The following SPG7 variants were observed in gnomAD, a reference collection of about 807,000 sequenced individuals.
SPG7 encodes the protein mitochondrial inner membrane m-AAA protease component paraplegin.
A neutral mutation model predicts 81.9 loss-of-function variants in SPG7; 103 were observed. The ratio of observed to expected loss-of-function variants is 1.26; its 90% CI spans 1.07 to 1.48. The LOEUF (loss-of-function observed/expected upper bound fraction) is 1.48. Among genes scored for constraint, SPG7 ranks in the 40% most tolerant of loss-of-function variants. The probability of loss-of-function intolerance (pLI) is 0.00; values close to 1 mark genes in which losing one functional copy is unlikely to be tolerated. For missense variants in SPG7, 1,241 were observed against 1,087.3 expected, an observed-to-expected ratio of 1.14 and a Z score of -1.99; for synonymous variants, 534 against 444.2, an observed-to-expected ratio of 1.20 and a Z score of -2.54.
At chr16:89,552,327 C>T (rs998300162) in intron 13 of SPG7, 1 of 155,392 alleles carries the variant, frequency 6.4e-6, no homozygotes, top group African/African-American at 2.4e-5. Flanking sequence ...TCCCAAAGTA[C>T]CGAGATCACA....
At chr16:89,549,015 C>T (rs1421654708) in intron 12 of SPG7, 1 of 456,172 alleles carries the variant, frequency 2.2e-6, no homozygotes, top group South Asian at 1.5e-5. Context: ...GCAGTGGGTT[C>T]CTGCAGAGGA....
At chr16:89,549,393 C>T (rs1183052330) in intron 12 of SPG7, 3 of 371,936 alleles carry the variant, frequency 8.1e-6, no homozygotes, top group Non-Finnish European at 1.6e-5. Flanking sequence ...GGCACTGTGG[C>T]TCATGCCTGT....
At chr16:89,509,462 G>T (rs892535013) in intron 1 of SPG7, among the ~76,000 whole-genome samples, 1 of 152,134 alleles carries the variant, frequency 6.6e-6, no homozygotes, top group Admixed American at 6.6e-5. Flanking sequence ...TGTTGGCCAG[G>T]ATGGTCTCCA....
chr16:89,535,149 T>G (rs897072479), intron 9 of SPG7, among the ~76,000 whole-genome samples: 3 of 152,162 alleles, frequency 2.0e-5, no homozygotes, highest in Non-Finnish European at 2.9e-5. Flanking sequence ...GCAGGATTGG[T>G]GCAGCAGTGC....
At chr16:89,532,784 AT>A (rs1002226371) in intron 9 of SPG7, 148 bp downstream of exon 9, 10 of 966,430 alleles carry the variant, frequency 1.0e-5, no homozygotes, top group African/African-American at 9.8e-5. Context: ...AAAAAAAAAA[AT>A]AGAAATGTAG....
chr16:89,534,441 A>G (rs906260223), intron 9 of SPG7, among the ~76,000 whole-genome samples: 5 of 152,250 alleles, frequency 3.3e-5, no homozygotes, highest in African/African-American at 7.2e-5. Flanking sequence ...CTGTGTTAAC[A>G]TAAGTACAAG....
chr16:89,523,586 G>A (rs1250864707), intron 3 of SPG7: 2 of 411,342 alleles, frequency 4.9e-6, no homozygotes, highest in Non-Finnish European at 9.8e-6. Context: ...GCCTGGGACG[G>A]TCGTTTCTTT....
rs1016962064 is a variant in SPG7, at chr16:89,545,045, G to A, written c.1449+273G>A. On this transcript the variant is annotated intron_variant, in intron 10 of 16. Coordinates refer to ENST00000645818, the MANE Select transcript of SPG7 (RefSeq NM_003119.4). ...TCACTGCTCGGGGTTTTGCAGTTCT[G>A]TTCACCTGCTATTGGTTTTCCTTTT... The A allele has an allele frequency of 8.8e-4, 447 of 508,146 alleles. 4 individuals carry two copies. The highest frequency in any genetic ancestry group is 1.7e-4 in the Non-Finnish European group (46 of 276,576). 31.5% of individuals were successfully genotyped at this position (508,146 alleles called of 1,614,324 possible).
intron 5 of SPG7, chr16:89,527,369 G>A (rs1174911862): frequency 6.6e-6 from 1 of 152,262 alleles, no homozygotes; most frequent in Non-Finnish European, 1.5e-5. Flanking sequence ...CAAATGGTCA[G>A]AGTGAGTGTG....
rs1310649112 is a variant in SPG7, at chr16:89,508,573, C to T, written c.156C>T (p.Leu52=). 1 of 1,489,766 alleles carries T rather than the reference C, an allele frequency of 6.7e-7. No individual in the cohort carries two copies. The highest frequency in any genetic ancestry group is 2.7e-5 in the East Asian group (1 of 37,128). 92.3% of individuals were successfully genotyped at this position (1,489,766 alleles called of 1,614,324 possible). ...TGGCCAGCAGGCCTCCGGGGGACCT[C>T]GCCGAGGCTGGAGGCCGAGCTCTGC... The part of the protein sequence containing the change: ...PYMASRPPGD[L]AEAGGRALQS... Residue 52 remains leucine (L), a synonymous_variant, in exon 1 of 17, where the codon CTC becomes CTT. Coordinates refer to ENST00000645818, the MANE Select transcript of SPG7 (RefSeq NM_003119.4).
At chr16:89,513,577 G>A (rs1367032409) in intron 3 of SPG7, among the ~76,000 whole-genome samples, 1 of 151,554 alleles carries the variant, frequency 6.6e-6, no homozygotes. Context: ...AAGAAAAGAA[G>A]AAAATAATTG....
chr16:89,514,917 A>G (rs979437593), intron 3 of SPG7, among the ~76,000 whole-genome samples: 1 of 145,304 alleles, frequency 6.9e-6, no homozygotes. Context: ...GGTGTGAACC[A>G]CCGTGCCTGG....
intron 3 of SPG7, among the ~76,000 whole-genome samples, chr16:89,515,570 C>G (rs1441519531): frequency 2.0e-5 from 3 of 146,678 alleles, no homozygotes; most frequent in South Asian, 2.3e-4. Context: ...CCCGGCTGAC[C>G]TTTTTATAAA....
At chr16:89,525,504 G>A (rs2058248249) in intron 4 of SPG7, among the ~76,000 whole-genome samples, 1 of 152,156 alleles carries the variant, frequency 6.6e-6, no homozygotes, top group Non-Finnish European at 1.5e-5. Context: ...GAGTGAGGGA[G>A]CAGCAGGTGC....
intron 13 of SPG7, 99 bp from the exon 14 acceptor site, chr16:89,552,880 T>G: frequency 1.7e-5 from 20 of 1,194,346 alleles, no homozygotes; most frequent in Non-Finnish European, 2.2e-5. Flanking sequence ...CTTCCTGCTT[T>G]GAGACGCTTT....
intron 9 of SPG7, chr16:89,533,717 T>A (rs1472457043): frequency 6.6e-6 from 1 of 152,126 alleles, no homozygotes; most frequent in South Asian, 2.1e-4. Flanking sequence ...AAATGACTTC[T>A]GGTCTGGCTT....
At position 89,554,487 on chromosome 16, in the gene SPG7, A is replaced by G; in HGVS notation, c.2105A>G (p.Glu702Gly). 6.2e-7 allele frequency: 1 copy of G among 1,607,562 alleles called. No homozygotes were observed. Among genetic ancestry groups the G allele is most frequent in the Non-Finnish European group, 8.5e-7 (1 of 1,178,776 alleles). The change falls in exon 16 of 17, where the codon GAA becomes GGA. Residue 702 changes from glutamate to glycine, a missense_variant and splice_region_variant. Transcript: ENST00000645818. ...SQGLQQMMDH[E>G]ARLLVAKAYR... ...TGACACAGTTCCCTCCACTCACAGG[A>G]AGCAAGACTGCTGGTGGCCAAGGCC...
chr16:89,511,007 G>C (rs754219705), intron 2 of SPG7, among the ~76,000 whole-genome samples: 1 of 152,038 alleles, frequency 6.6e-6, no homozygotes, highest in Non-Finnish European at 1.5e-5. Context: ...TAATTTTTGG[G>C]GGGTATTTTT....
At chr16:89,514,355 C>G (rs1393315688) in intron 3 of SPG7, 1 of 102,612 alleles carries the variant, frequency 9.7e-6, no homozygotes, top group East Asian at 3.4e-4. Flanking sequence ...GAATCTCACT[C>G]TGTTGCCCCG....
Sources: allele counts gnomAD v4.1 joint callset (sites outside exome capture counted in the v4.1 genomes callset), GRCh38; gene constraint gnomAD v4.1.1; transcripts MANE v1.5; gene names NCBI Gene and HGNC (gene_info 2026-07-23, HGNC 2026-07-21).